PDSS1: variants seen among roughly 807,000 people sequenced by gnomAD.
The protein encoded by PDSS1 is all trans-polyprenyl-diphosphate synthase PDSS1.
Under a neutral mutation model 57.5 loss-of-function variants are expected in PDSS1, and 43 were observed. The observed-to-expected ratio is 0.75, with a 90% CI of 0.59 to 0.96. The LOEUF (loss-of-function observed/expected upper bound fraction) is 0.96, where lower values mean the gene tolerates loss of function less well. Ranked by LOEUF, PDSS1 falls within the 50% of genes least tolerant of loss-of-function variation. The pLI, the probability that PDSS1 is intolerant of heterozygous loss-of-function variation, is 0.00. For synonymous variants in PDSS1, 175 were observed against 191.3 expected (o/e 0.91, Z 0.70); for missense variants, 438 against 527.8 (o/e 0.83, Z 1.67).
At chr10:26,728,218 A>G (rs922478227) in intron 8 of PDSS1, among the ~76,000 whole-genome samples, 2 of 152,182 alleles carry the variant, frequency 1.3e-5, no homozygotes, top group African/African-American at 4.8e-5. Flanking sequence ...TTAGCTGGGC[A>G]TGGTGGCGGG....
intron 11 of PDSS1, among the ~76,000 whole-genome samples, chr10:26,743,061 G>C (rs529304473): frequency 6.6e-6 from 1 of 152,288 alleles, no homozygotes; most frequent in South Asian, 2.1e-4. Context: ...TGTGACTAAA[G>C]AAATGATCAT....
intron 5 of PDSS1, among the ~76,000 whole-genome samples, chr10:26,714,089 C>G (rs994900979): frequency 2.0e-5 from 3 of 152,152 alleles, no homozygotes. Flanking sequence ...GTCCTTTAAA[C>G]TTCATCTCAG....
chr10:26,727,838 T>A (rs1160766045), intron 8 of PDSS1, among the ~76,000 whole-genome samples: 1 of 152,182 alleles, frequency 6.6e-6, no homozygotes, highest in Non-Finnish European at 1.5e-5. Context: ...TCTAGAACAG[T>A]CTTTCTTTGC....
Position 26,697,756 on chromosome 10 carries a change from G to T in PDSS1, c.45G>T (p.Lys15Asn). 2 of 1,292,632 alleles carry T rather than the reference G, an allele frequency of 1.5e-6. No individual in the cohort carries two copies. The highest frequency in any genetic ancestry group is 2.0e-6 in the Non-Finnish European group (2 of 1,025,618). The allele number at this position is 1,292,632 out of a possible 1,614,324, so 80.1% of individuals were successfully genotyped here. ...GGTGGCGGCGCGGCTGCTCCTGGAA[G>T]CCGGCGGCGCGGAGCCCCGGGCCCG... is the stretch of plus-strand genomic sequence containing the variant. ...WWRWRRGCSW[K>N]PAARSPGPGS... Residue 15 changes from lysine to asparagine, a missense_variant, in exon 1 of 12, where the codon AAG becomes AAT. This residue lies in a region of PDSS1 where 154 missense variants were observed against 137.0 expected (regional missense o/e 1.12). Transcript: ENST00000376215.
intron 2 of PDSS1, 59 bp downstream of exon 2, chr10:26,702,253 A>T (rs117919256): frequency 0.026 from 10,935 of 420,530 alleles, 718 homozygotes; most frequent in South Asian, 0.13. Context: ...ACTTTTGGGG[A>T]CTGTTCGGAA....
At chr10:26,700,270 T>A (rs1253380919) in intron 1 of PDSS1, among the ~76,000 whole-genome samples, 2 of 79,928 alleles carry the variant, frequency 2.5e-5, no homozygotes, top group Admixed American at 1.9e-4. Flanking sequence ...CCACCCCGCT[T>A]GAGGATTGGC....
At position 26,746,784 on chromosome 10, in the gene PDSS1, A is replaced by G. The variant is rs941245477; in HGVS notation, c.*311A>G. The G allele has an allele frequency of 4.9e-6, 2 of 410,272 alleles. No individual in the cohort carries two copies. Among genetic ancestry groups the G allele is most frequent in the African/African-American group, 4.0e-5 (2 of 50,092 alleles). The allele number at this position is 410,272 out of a possible 1,614,324, so 25.4% of individuals were successfully genotyped here. A position where few individuals can be genotyped will look rare whatever the true frequency, so the allele number is the denominator to read the frequency against. On this transcript the variant is annotated 3_prime_UTR_variant, in exon 12 of 12. Coordinates refer to ENST00000376215, the MANE Select transcript of PDSS1 (RefSeq NM_014317.5). ...AGGCCATTACACAAATAAATAACCA[A>G]TGTTAAAATTCAAATGGTTTGTCTT... is the stretch of plus-strand genomic sequence containing the variant.
chr10:26,730,618 TAATAATA>T (rs1259880550), intron 8 of PDSS1, among the ~76,000 whole-genome samples: 59 of 145,230 alleles, frequency 4.1e-4, no homozygotes, highest in African/African-American at 1.5e-3. Context: ...AAAAAAATAA[TAATAATA>T]AAAAAAATAA....
In PDSS1 at chr10:26,712,582, A is replaced by G. The variant is rs551822915; in HGVS notation, c.467+2814A>G. ...TAGCAATTCTGCTCTCCAAGCCCCAACTTCCTGACAATACTTGCTTTCTGT... is the reference window on the plus strand; with the variant it reads ...TAGCAATTCTGCTCTCCAAGCCCCAGCTTCCTGACAATACTTGCTTTCTGT... On this transcript the variant is annotated intron_variant, in intron 5 of 11. Transcript: ENST00000376215. Among the ~76,000 whole-genome samples the G allele has an allele frequency of 5.6e-4, 55 of 98,818 alleles. 16 individuals carry two copies. In the South Asian group the frequency reaches 0.014, roughly 25 times the overall value. 64.8% of individuals were successfully genotyped at this position (98,818 alleles called of 152,430 possible). A position where few individuals can be genotyped will look rare whatever the true frequency, so the allele number is the denominator to read the frequency against.
At chr10:26,742,228 C>CA (rs1223343543) in intron 10 of PDSS1, among the ~76,000 whole-genome samples, 2 of 152,174 alleles carry the variant, frequency 1.3e-5, no homozygotes, top group Admixed American at 1.3e-4. Flanking sequence ...TCTCTTAACT[C>CA]AGTGTTGGAC....
rs778962956 is a variant in PDSS1 at position 26,746,324 on chromosome 10, A to G, written c.1108-9A>G. The G allele has an allele frequency of 3.1e-6, 5 of 1,613,916 alleles. No homozygotes were observed. The African/African-American group carries it at 6.7e-5, about 22-fold the overall frequency. ...AGGCATCTGTTCTGTTTTGTTCTGT[A>G]TCTTATAGAGTGATGGTGTGCAACA... On this transcript the variant is annotated splice_polypyrimidine_tract_variant and intron_variant, in intron 11 of 11. Coordinates refer to ENST00000376215, the MANE Select transcript of PDSS1 (RefSeq NM_014317.5).
intron 10 of PDSS1, chr10:26,740,531 T>G (rs748725859): frequency 2.4e-4 from 104 of 430,476 alleles, no homozygotes; most frequent in Non-Finnish European, 4.3e-4. Flanking sequence ...CTGAAAAAAT[T>G]ATTTCTTTGT....
intron 8 of PDSS1, among the ~76,000 whole-genome samples, chr10:26,731,121 C>T (rs1310732543): frequency 6.6e-6 from 1 of 152,104 alleles, no homozygotes; most frequent in Non-Finnish European, 1.5e-5. Context: ...GCAGGCGGAT[C>T]ACTTGAGACC....
At chr10:26,724,446 A>G (rs533413109) in intron 8 of PDSS1, among the ~76,000 whole-genome samples, 1 of 152,216 alleles carries the variant, frequency 6.6e-6, no homozygotes, top group Admixed American at 6.5e-5. Flanking sequence ...CTAATGATTG[A>G]TATCACACAC....
At chr10:26,723,416 G>A (rs1338523795) in intron 6 of PDSS1, among the ~76,000 whole-genome samples, 1 of 152,140 alleles carries the variant, frequency 6.6e-6, no homozygotes, top group African/African-American at 2.4e-5. Context: ...ATTTCTTCAG[G>A]TGTCAACTGG....
intron 8 of PDSS1, chr10:26,734,509 T>A (rs959165846): frequency 2.8e-6 from 1 of 360,978 alleles, no homozygotes; most frequent in African/African-American, 2.1e-5. Flanking sequence ...CAGCTAGCTT[T>A]TTGGAGTTTT....
rs141743216 is a variant in PDSS1 at position 26,702,708 on chromosome 10, C to T, written c.162+514C>T. On this transcript the variant is annotated intron_variant, in intron 2 of 11. Coordinates refer to ENST00000376215, the MANE Select transcript of PDSS1 (RefSeq NM_014317.5). ...ACACCTCGTTTCTAAAAATCAGCTA[C>T]GCATTGTGGCATGTTCCTGTAGTCC... Among the ~76,000 whole-genome samples, 706 of 152,232 alleles carry T rather than the reference C, an allele frequency of 4.6e-3. 6 individuals are homozygous for T. The highest frequency in any genetic ancestry group is 7.8e-3 in the Non-Finnish European group (531 of 68,016).
Position 26,725,443 on chromosome 10 carries a change from T to C in PDSS1, c.831+1320T>C, listed in dbSNP as rs551905232. On this transcript the variant is annotated intron_variant, in intron 8 of 11. Transcript: ENST00000376215. The stretch of plus-strand genomic sequence containing the variant: ...GGAATGTGAATTATGTAGAACATGC[T>C]AGCCACAGTCTCGACCACTTTTGTC... Among the ~76,000 whole-genome samples, 4 of 152,326 alleles carry C rather than the reference T, an allele frequency of 2.6e-5. No individual in the cohort carries two copies. In the South Asian group the frequency reaches 8.3e-4, roughly 32 times the overall value.
intron 5 of PDSS1, among the ~76,000 whole-genome samples, chr10:26,713,639 G>T (rs985269325): frequency 8.5e-5 from 13 of 152,274 alleles, no homozygotes; most frequent in African/African-American, 3.1e-4. Flanking sequence ...TCAGGACCCC[G>T]TGTTTGTTTT....
Sources: allele counts gnomAD v4.1 joint callset (sites outside exome capture counted in the v4.1 genomes callset), GRCh38; gene constraint gnomAD v4.1.1; regional missense constraint gnomAD v4.1.1; transcripts MANE v1.5; gene names NCBI Gene and HGNC (gene_info 2026-07-23, HGNC 2026-07-21).